The following SPTB variants were observed in gnomAD, a reference collection of about 807,000 sequenced individuals.
SPTB encodes spectrin beta chain, erythrocytic.
Under a neutral mutation model 256.2 loss-of-function variants are expected in SPTB, and 45 were observed. That is an observed-to-expected ratio of 0.18 (90% confidence interval 0.14 to 0.23). SPTB has a LOEUF of 0.23. Ranked by LOEUF, SPTB falls within the 10% of genes least tolerant of loss-of-function variation. The pLI is 1.00. For synonymous variants in SPTB, 1,231 were observed against 1,243.1 expected (o/e 0.99, Z 0.21); for missense variants, 2,715 against 3,040.4 (o/e 0.89, Z 2.52).
At position 64,859,730 on chromosome 14, in the gene SPTB, A is replaced by C. The variant is rs868383031; in HGVS notation, c.-52+20062T>G. On this transcript the variant is annotated intron_variant, in intron 1 of 35. Coordinates refer to ENST00000644917, the MANE Select transcript of SPTB (RefSeq NM_001355436.2). ...TCTCTCTCTCTCTCTCTATATATAT[A>C]TATATATGCATATAATTAGTATATG... 2.9e-3 allele frequency among the ~76,000 whole-genome samples: 433 copies of C among 148,796 alleles called. 2 individuals carry two copies. Among genetic ancestry groups the C allele is most frequent in the African/African-American group, 8.6e-3 (332 of 38,716 alleles).
chr14:64,773,967 C>T (rs1249089255), intron 24 of SPTB, among the ~76,000 whole-genome samples: 1 of 152,192 alleles, frequency 6.6e-6, no homozygotes, highest in Non-Finnish European at 1.5e-5. Flanking sequence ...GCAGGATCCA[C>T]AAAACCTCGC....
intron 19 of SPTB, among the ~76,000 whole-genome samples, chr14:64,782,955 C>G (rs1351440927): frequency 6.6e-6 from 1 of 152,010 alleles, no homozygotes; most frequent in East Asian, 1.9e-4. Flanking sequence ...GGGGCAATGA[C>G]TCAGGGAGAC....
chr14:64,748,007 AGGGT>A lies in SPTB; in HGVS notation c.*1295_*1298del, dbSNP rs2081875110. On this transcript the variant is annotated 3_prime_UTR_variant, in exon 36 of 36. Transcript: ENST00000644917. ...CAGAGCTTCTGGTGCTCAGGGCTGGAGGGTGGTAGATATTTGACCTCTGTACTCA... is the reference window on the plus strand; with the variant it reads ...CAGAGCTTCTGGTGCTCAGGGCTGGAGGTAGATATTTGACCTCTGTACTCA... 6.6e-6 allele frequency: 1 copy of A among 152,036 alleles called. No individual in the cohort carries two copies. The highest frequency in any genetic ancestry group is 2.4e-5 in the African/African-American group (1 of 41,364). The allele number at this position is 152,036 out of a possible 1,614,324, so 9.4% of individuals were successfully genotyped here. A position where few individuals can be genotyped will look rare whatever the true frequency, so the allele number is the denominator to read the frequency against.
At chr14:64,765,041 T>TGTGCGCGC (rs570414192) in intron 32 of SPTB, among the ~76,000 whole-genome samples, 3 of 117,004 alleles carry the variant, frequency 2.6e-5, no homozygotes, top group South Asian at 6.3e-4. Flanking sequence ...TGTGTGTGTG[T>TGTGCGCGC]GCGCGCGCGC....
chr14:64,796,782 C>T lies in SPTB; in HGVS notation c.1183-67G>A. ...AATGCCTCACTTTGGGGGCTCCACC[C>T]CTTTCACCCAACACTGAGTGATTTC... On this transcript the variant is annotated intron_variant, in intron 10 of 35. Transcript: ENST00000644917. The surrounding 1 kb of genome is among the most constrained non-coding windows in gnomAD (Gnocchi z 4.1). 1.3e-6 allele frequency: 2 copies of T among 1,595,812 alleles called. No individual in the cohort carries two copies. The highest frequency in any genetic ancestry group is 1.7e-6 in the Non-Finnish European group (2 of 1,167,104).
chr14:64,772,984 A>G lies in SPTB; in HGVS notation c.5179-30T>C. ...GCATGGGGCAGACAGAAATGTGGTT[A>G]TGGGGGGCACAGGGGTTACAGGTGT... On this transcript the variant is annotated intron_variant, in intron 25 of 35. Coordinates refer to ENST00000644917, the MANE Select transcript of SPTB (RefSeq NM_001355436.2). This position sits in a 1 kb window ranked among gnomAD's most constrained non-coding sequence, Gnocchi z 5.4. 1 of 1,591,798 alleles carries G rather than the reference A, an allele frequency of 6.3e-7. No homozygotes were observed. The highest frequency in any genetic ancestry group is 8.5e-7 in the Non-Finnish European group (1 of 1,171,974).
chr14:64,782,443 C>A lies in SPTB; in HGVS notation c.4113G>T (p.Lys1371Asn). The change falls in exon 20 of 36, where the codon AAG becomes AAT. Residue 1371 changes from lysine to asparagine, a missense_variant. By Grantham distance (94) the Lys-to-Asn change is moderately conservative (BLOSUM62 0). Coordinates refer to ENST00000644917, the MANE Select transcript of SPTB (RefSeq NM_001355436.2). ...WDELQATTKE[K>N]TQHLSAARSS... ...TCCTGGCAGCCGAGAGGTGCTGGGT[C>A]TTCTCCTTTGTGGTGGCCTGCAGCT... 1 of 1,614,144 alleles carries A rather than the reference C, an allele frequency of 6.2e-7. No homozygotes were observed. The highest frequency in any genetic ancestry group is 8.5e-7 in the Non-Finnish European group (1 of 1,180,044).
At chr14:64,766,516 G>C in intron 32 of SPTB, 1 of 1,474,976 alleles carries the variant, frequency 6.8e-7, no homozygotes, top group South Asian at 1.3e-5. Flanking sequence ...GCGCTGTGGG[G>C]AGGAGTGGAG....
chr14:64,843,836 C>T (rs2083646076), intron 1 of SPTB, among the ~76,000 whole-genome samples: 1 of 152,192 alleles, frequency 6.6e-6, no homozygotes, highest in Non-Finnish European at 1.5e-5. Flanking sequence ...TGCCCTGAAC[C>T]ATTCTGTGCT....
At position 64,764,075 on chromosome 14, in the gene SPTB, G is replaced by A. The variant is rs1109607; in HGVS notation, c.6345+2651C>T. Among the ~76,000 whole-genome samples, 19,859 of 152,258 alleles carry A rather than the reference G, an allele frequency of 0.13. 1,354 individuals are homozygous for A. The highest frequency in any genetic ancestry group is 0.16 in the Middle Eastern group (48 of 294). The stretch of plus-strand genomic sequence containing the variant: ...GCATGGATCTATTCTGTAGGGCACC[G>A]ACACCAGACCACACACAGAGGACCA... On this transcript the variant is annotated intron_variant, in intron 32 of 35. Transcript: ENST00000644917. This position sits in a 1 kb window ranked among gnomAD's most constrained non-coding sequence, Gnocchi z 4.2.
Position 64,785,745 on chromosome 14 carries a change from G to A in SPTB, c.3764+4C>T. The A allele has an allele frequency of 2.5e-6, 4 of 1,614,122 alleles. No homozygotes were observed. Among genetic ancestry groups the A allele is most frequent in the Non-Finnish European group, 3.4e-6 (4 of 1,180,020 alleles). On this transcript the variant is annotated splice_donor_region_variant and intron_variant, in intron 17 of 35. Coordinates refer to ENST00000644917, the MANE Select transcript of SPTB (RefSeq NM_001355436.2). This position sits in a 1 kb window ranked among gnomAD's most constrained non-coding sequence, Gnocchi z 4.4. ...GGCCTCGTGGCCCTGGGGCCCGGGA[G>A]TACCTGTCCTCAATCAGCTGCACCT...
At chr14:64,767,979 A>G in intron 29 of SPTB, 120 bp from the exon 30 acceptor site, 1 of 1,096,218 alleles carries the variant, frequency 9.1e-7, no homozygotes, top group Non-Finnish European at 1.3e-6. Context: ...TCCCTAAACC[A>G]CATGGATACG....
At chr14:64,875,120 C>T (rs1882749610) in intron 1 of SPTB, among the ~76,000 whole-genome samples, 2 of 152,092 alleles carry the variant, frequency 1.3e-5, no homozygotes. Context: ...TATGGCAAAG[C>T]CTGAGAAGGG....
Position 64,749,514 on chromosome 14 carries a change from GC to G in SPTB, c.6820-42del. 1 of 1,597,388 alleles carries G rather than the reference GC, an allele frequency of 6.3e-7. No homozygotes were observed. Among genetic ancestry groups the G allele is most frequent in the Non-Finnish European group, 8.5e-7 (1 of 1,177,346 alleles). On this transcript the variant is annotated intron_variant, in intron 35 of 35. Coordinates refer to ENST00000644917, the MANE Select transcript of SPTB (RefSeq NM_001355436.2). The surrounding 1 kb of genome is among the most constrained non-coding windows in gnomAD (Gnocchi z 4.7). ...TCACGGTGGAGTCTGGAGGCCCACA[GC>G]CCCCCACCTCCCGGGCCAGGCAACA... is the stretch of plus-strand genomic sequence containing the variant.
At chr14:64,810,671 C>A (rs988824147) in intron 2 of SPTB, among the ~76,000 whole-genome samples, 3 of 152,082 alleles carry the variant, frequency 2.0e-5, no homozygotes, top group African/African-American at 7.2e-5. Context: ...CAGAATGAGA[C>A]CCTGTCTCAA....
chr14:64,771,884 G>A (rs1053863422), intron 26 of SPTB, among the ~76,000 whole-genome samples: 9 of 152,172 alleles, frequency 5.9e-5, no homozygotes, highest in African/African-American at 1.7e-4. Context: ...CTGGGATTGC[G>A]CAGCCAGCCT....
chr14:64,750,351 T>A, intron 33 of SPTB, 197 bp from the exon 34 acceptor site: 1 of 618,438 alleles, frequency 1.6e-6, no homozygotes. Flanking sequence ...GTATTCCTTC[T>A]AGTCTTCACA....
intron 33 of SPTB, among the ~76,000 whole-genome samples, chr14:64,750,528 C>CACTT (rs1175056649): frequency 6.6e-6 from 1 of 152,076 alleles, no homozygotes; most frequent in African/African-American, 2.4e-5. Flanking sequence ...GTAATCCCAG[C>CACTT]ACTTTGGGAG....
intron 19 of SPTB, 113 bp downstream of exon 19, chr14:64,784,134 C>A: frequency 6.6e-7 from 1 of 1,519,390 alleles, no homozygotes; most frequent in Non-Finnish European, 9.0e-7. Flanking sequence ...TGTTCGCTGC[C>A]ACGTTCTGTA....
Sources: allele counts gnomAD v4.1 joint callset (sites outside exome capture counted in the v4.1 genomes callset), GRCh38; gene constraint gnomAD v4.1.1; non-coding constraint Gnocchi (gnomAD v3.1); transcripts MANE v1.5; gene names NCBI Gene and HGNC (gene_info 2026-07-23, HGNC 2026-07-21).